CNTNAP4: variants seen among roughly 807,000 people sequenced by gnomAD.
The protein encoded by CNTNAP4 is contactin associated protein family member 4.
In CNTNAP4, 98 loss-of-function variants were observed where a neutral mutation model predicts 148.4. The ratio of observed to expected loss-of-function variants is 0.66; its 90% CI spans 0.56 to 0.78. The LOEUF (loss-of-function observed/expected upper bound fraction) is 0.78. Among genes scored for constraint, CNTNAP4 ranks in the 30% least tolerant of loss-of-function variants. CNTNAP4 has a pLI of 0.00. For missense variants in CNTNAP4, 1,935 were observed against 1,565.6 expected, an observed-to-expected ratio of 1.24 and a Z score of -3.98; for synonymous variants, 730 against 565.1, an observed-to-expected ratio of 1.29 and a Z score of -4.14.
intron 2 of CNTNAP4, among the ~76,000 whole-genome samples, chr16:76,320,793 T>C (rs940579345): frequency 5.9e-5 from 9 of 152,222 alleles, no homozygotes; most frequent in Admixed American, 5.9e-4. Context: ...AACGTAAGTC[T>C]TTATTTTAAT....
chr16:76,443,245 C>T (rs907443679), intron 4 of CNTNAP4, among the ~76,000 whole-genome samples: 1 of 152,090 alleles, frequency 6.6e-6, no homozygotes, highest in Admixed American at 6.6e-5. Flanking sequence ...CAAAAAGTCT[C>T]CTCTTACATC....
intron 3 of CNTNAP4, among the ~76,000 whole-genome samples, chr16:76,357,394 C>T (rs1316460900): frequency 1.3e-5 from 2 of 152,148 alleles, no homozygotes; most frequent in Admixed American, 6.5e-5. Context: ...CAGGCACTGC[C>T]ATTTACCTTA....
At chr16:76,521,070 GTCATTCATTTTATTTC>G in intron 15 of CNTNAP4, 54 bp from the exon 16 acceptor site, 2 of 1,358,318 alleles carry the variant, frequency 1.5e-6, no homozygotes, top group Non-Finnish European at 2.0e-6. Flanking sequence ...ACATGTAATT[GTCATTCATTTTATTTC>G]ATGAATTTGT....
At chr16:76,283,210 A>C (rs574073298) in intron 1 of CNTNAP4, among the ~76,000 whole-genome samples, 1 of 152,140 alleles carries the variant, frequency 6.6e-6, no homozygotes, top group South Asian at 2.1e-4. Flanking sequence ...TCTTGTTTAA[A>C]TACTATGTTT....
At chr16:76,446,859 G>C (rs893887883) in intron 4 of CNTNAP4, among the ~76,000 whole-genome samples, 17 of 152,110 alleles carry the variant, frequency 1.1e-4, no homozygotes, top group Admixed American at 2.0e-4. Flanking sequence ...AGAATTTTGA[G>C]ATATCAAAAC....
chr16:76,463,428 T>C (rs1023581932), intron 9 of CNTNAP4, among the ~76,000 whole-genome samples: 7 of 152,184 alleles, frequency 4.6e-5, no homozygotes, highest in Non-Finnish European at 1.0e-4. Context: ...TGATATAAAT[T>C]TTTACTCTAG....
At chr16:76,366,380 A>C (rs1033129480) in intron 3 of CNTNAP4, among the ~76,000 whole-genome samples, 2 of 152,156 alleles carry the variant, frequency 1.3e-5, no homozygotes, top group Non-Finnish European at 2.9e-5. Flanking sequence ...AGGAACATAT[A>C]GCATTTGGTT....
At chr16:76,319,746 T>G (rs555598282) in intron 2 of CNTNAP4, among the ~76,000 whole-genome samples, 2 of 151,912 alleles carry the variant, frequency 1.3e-5, no homozygotes, top group Non-Finnish European at 2.9e-5. Context: ...AACCAAGAAA[T>G]GCGAAGGATT....
At chr16:76,425,649 G>A (rs1055408902) in intron 3 of CNTNAP4, among the ~76,000 whole-genome samples, 4 of 152,124 alleles carry the variant, frequency 2.6e-5, no homozygotes, top group Non-Finnish European at 5.9e-5. Context: ...TGTCTTGGGG[G>A]TAATATTTTA....
At chr16:76,374,289 A>G (rs755025117) in intron 3 of CNTNAP4, among the ~76,000 whole-genome samples, 4 of 152,192 alleles carry the variant, frequency 2.6e-5, no homozygotes, top group Non-Finnish European at 5.9e-5. Flanking sequence ...TATCAGTTTC[A>G]GAGAAAAGAA....
intron 4 of CNTNAP4, among the ~76,000 whole-genome samples, chr16:76,445,652 C>A (rs1395487): frequency 0.62 from 93,851 of 151,756 alleles, 29,230 homozygotes; most frequent in South Asian, 0.71. Flanking sequence ...ACAGAAGATA[C>A]ATATCATCAT....
chr16:76,284,585 C>G lies in CNTNAP4; in HGVS notation c.85+6838C>G, dbSNP rs1269018016. On this transcript the variant is annotated intron_variant, in intron 1 of 23. Coordinates refer to ENST00000611870, the MANE Select transcript of CNTNAP4 (RefSeq NM_033401.5). ...TAAAATCTTAAGAAATAGTAGTTTA[C>G]CCATAATTTTAAGTTACAACAAATT... Among the ~76,000 whole-genome samples the G allele has an allele frequency of 3.9e-5, 6 of 151,974 alleles. No individual in the cohort carries two copies. In the South Asian group the frequency reaches 1.0e-3, roughly 26 times the overall value.
chr16:76,303,707 C>T lies in CNTNAP4; in HGVS notation c.86-12706C>T, dbSNP rs62049689. Reference sequence around the variant, plus strand: ...TCTGCATCATGTGCAGTTTAAAATTCTGCTTTTCTGGAGAAAATGAAACAA... The same window carrying T: ...TCTGCATCATGTGCAGTTTAAAATTTTGCTTTTCTGGAGAAAATGAAACAA... On this transcript the variant is annotated intron_variant, in intron 1 of 23. Transcript: ENST00000611870. Among the ~76,000 whole-genome samples, 6 of 152,156 alleles carry T rather than the reference C, an allele frequency of 3.9e-5. No individual in the cohort carries two copies. The South Asian group carries it at 8.3e-4, about 21-fold the overall frequency.
At chr16:76,345,891 A>G (rs59062545) in intron 2 of CNTNAP4, among the ~76,000 whole-genome samples, 28,504 of 152,126 alleles carry the variant, frequency 0.19, 3,494 homozygotes, top group East Asian at 0.49. Context: ...GTTGAGGGCA[A>G]TGTTAAAGCT....
chr16:76,496,014 A>G (rs1364191117), intron 14 of CNTNAP4, among the ~76,000 whole-genome samples: 4 of 151,914 alleles, frequency 2.6e-5, no homozygotes, highest in African/African-American at 9.7e-5. Flanking sequence ...AAACATCAAG[A>G]TTATGTTATA....
chr16:76,454,134 G>A (rs1390955005), intron 8 of CNTNAP4, among the ~76,000 whole-genome samples: 1 of 139,788 alleles, frequency 7.2e-6, no homozygotes, highest in Non-Finnish European at 1.5e-5. Context: ...TTTTTTCTGA[G>A]ATGGAGTTTT....
chr16:76,489,284 G>A (rs909783713), intron 12 of CNTNAP4, among the ~76,000 whole-genome samples: 10 of 151,920 alleles, frequency 6.6e-5, no homozygotes, highest in Admixed American at 2.6e-4. Context: ...ATAATGTTTT[G>A]TAGTTATAAT....
chr16:76,414,290 G>C (rs1283173264), intron 3 of CNTNAP4, among the ~76,000 whole-genome samples: 2 of 151,284 alleles, frequency 1.3e-5, no homozygotes, highest in Admixed American at 6.6e-5. Context: ...TATTTGGTGA[G>C]AAAACCATAT....
chr16:76,498,463 T>C (rs997420298), intron 14 of CNTNAP4, 104 bp from the exon 15 acceptor site: 9 of 804,638 alleles, frequency 1.1e-5, no homozygotes, highest in East Asian at 5.2e-5. Context: ...ACTGGATCCA[T>C]ACTCTTTTGT....
Sources: gnomAD v4.1 joint callset for allele counts (sites outside exome capture counted in the v4.1 genomes callset) on GRCh38, gnomAD v4.1.1 for gene constraint, MANE v1.5 for transcripts, NCBI Gene and HGNC (gene_info 2026-07-23, HGNC 2026-07-21) for gene names.